RALGAPA1: variants seen among roughly 807,000 people sequenced by gnomAD.
RALGAPA1 encodes the protein Ral GTPase activating protein catalytic subunit alpha 1.
In RALGAPA1, 52 loss-of-function variants were observed where a neutral mutation model predicts 269.6. The observed-to-expected ratio is 0.19, with a 90% CI of 0.15 to 0.24. The LOEUF (loss-of-function observed/expected upper bound fraction) is 0.24. Ranked by LOEUF, RALGAPA1 falls within the 10% of genes least tolerant of loss-of-function variation. The pLI is 1.00. For synonymous variants in RALGAPA1, 817 were observed against 1,008.3 expected, an observed-to-expected ratio of 0.81 and a Z score of 3.60; for missense variants, 1,917 against 3,013.9, an observed-to-expected ratio of 0.64 and a Z score of 8.52.
chr14:35,616,976 T>C (rs1026272776), intron 35 of RALGAPA1, among the ~76,000 whole-genome samples: 6 of 152,148 alleles, frequency 3.9e-5, no homozygotes, highest in Non-Finnish European at 5.9e-5. Context: ...AGAGTTCTTA[T>C]AACCGTCTTG....
chr14:35,752,136 T>C lies in RALGAPA1; in HGVS notation c.690A>G (p.Lys230=). 1 of 1,577,330 alleles carries C rather than the reference T, an allele frequency of 6.3e-7. No homozygotes were observed. The highest frequency in any genetic ancestry group is 8.6e-7 in the Non-Finnish European group (1 of 1,165,932). Residue 230 remains lysine, a synonymous_variant, in exon 8 of 42, where the codon AAA becomes AAG. Transcript: ENST00000680220. ...IQVKSLEWKN[K]ENQERGFSFL... is the part of the protein sequence containing the mutation. The stretch of plus-strand genomic sequence containing the variant: ...ATGAAAATCCCCTTTCTTGGTTTTC[T>C]TTGTTCTTCCATTCTAAACTTTTTA...
At chr14:35,709,996 T>C (rs2068158425) in intron 16 of RALGAPA1, among the ~76,000 whole-genome samples, 1 of 152,222 alleles carries the variant, frequency 6.6e-6, no homozygotes, top group Admixed American at 6.5e-5. Context: ...GAAGAATGAG[T>C]ATAATCTCTG....
chr14:35,793,537 C>T (rs943020909), intron 1 of RALGAPA1, among the ~76,000 whole-genome samples: 5 of 151,986 alleles, frequency 3.3e-5, no homozygotes, highest in African/African-American at 9.7e-5. Context: ...CCTGGCTCTC[C>T]AAGGTCTATT....
In RALGAPA1 at chr14:35,794,030, T is replaced by C. The variant is rs576171718; in HGVS notation, c.106+14700A>G. 6.6e-5 allele frequency among the ~76,000 whole-genome samples: 10 copies of C among 152,304 alleles called. No homozygotes were observed. In the South Asian group the frequency reaches 1.4e-3, roughly 22 times the overall value. On this transcript the variant is annotated intron_variant, in intron 1 of 41. Coordinates refer to ENST00000680220, the MANE Select transcript of RALGAPA1 (RefSeq NM_001346249.2). ...AAAGTAAATCAATTCTTCATAAATA[T>C]ATAAAGTAGTTCAATGAGGTCAAGT...
chr14:35,667,415 C>T (rs529044450), intron 26 of RALGAPA1, among the ~76,000 whole-genome samples: 29 of 152,200 alleles, frequency 1.9e-4, no homozygotes, highest in Middle Eastern at 3.4e-3. Flanking sequence ...ACAACAACAA[C>T]AAAACTTAAC....
intron 24 of RALGAPA1, among the ~76,000 whole-genome samples, chr14:35,673,605 A>G (rs1350256741): frequency 1.3e-5 from 2 of 151,836 alleles, no homozygotes; most frequent in African/African-American, 4.8e-5. Context: ...TTTGAGACGG[A>G]GTTTCGCTCT....
At chr14:35,662,470 G>A (rs2063605930) in intron 27 of RALGAPA1, among the ~76,000 whole-genome samples, 1 of 152,140 alleles carries the variant, frequency 6.6e-6, no homozygotes, top group Non-Finnish European at 1.5e-5. Flanking sequence ...TAAGAACAGT[G>A]ATTACTTTTT....
chr14:35,731,857 A>G (rs959295620), intron 12 of RALGAPA1, among the ~76,000 whole-genome samples: 2 of 152,218 alleles, frequency 1.3e-5, no homozygotes, highest in African/African-American at 2.4e-5. Context: ...ATAGAGACCT[A>G]CACATCCAAA....
Position 35,556,478 on chromosome 14 carries a change from TAAAC to T in RALGAPA1, c.7497-7248_7497-7245del, listed in dbSNP as rs537851851. 5.2e-3 allele frequency among the ~76,000 whole-genome samples: 785 copies of T among 152,302 alleles called. 10 individuals are homozygous for T. The highest frequency in any genetic ancestry group is 0.018 in the African/African-American group (732 of 41,570). ...CATGTAGTAAAAAATAAAATTCCCC[TAAAC>T]AAATTGCATGAATCTTGTTATTAAT... On this transcript the variant is annotated intron_variant, in intron 39 of 41. Transcript: ENST00000680220.
intron 36 of RALGAPA1, among the ~76,000 whole-genome samples, chr14:35,598,969 A>G (rs1013810352): frequency 3.0e-4 from 46 of 152,048 alleles, no homozygotes; most frequent in African/African-American, 1.1e-3. Context: ...TTTAACTATC[A>G]TTCTTTTGAG....
chr14:35,551,820 A>G (rs1476261193), intron 39 of RALGAPA1, among the ~76,000 whole-genome samples: 1 of 152,122 alleles, frequency 6.6e-6, no homozygotes, highest in Non-Finnish European at 1.5e-5. Context: ...TAACATACTC[A>G]TTTTGTATAA....
intron 16 of RALGAPA1, among the ~76,000 whole-genome samples, chr14:35,709,992 T>A (rs1442127862): frequency 4.6e-5 from 7 of 152,240 alleles, no homozygotes; most frequent in African/African-American, 1.7e-4. Flanking sequence ...TTGAGAAGAA[T>A]GAGTATAATC....
chr14:35,645,346 G>GGTGTGTGTGTGTGTGTGTGTGTGTGT (rs58039867), intron 31 of RALGAPA1, among the ~76,000 whole-genome samples: 23 of 129,484 alleles, frequency 1.8e-4, no homozygotes, highest in African/African-American at 4.2e-4. Context: ...TATAGAGATG[G>GGTGTGTGTGTGTGTGTGTGTGTGTGT]GTGTGTGTGT....
chr14:35,717,319 T>G (rs1206914046), intron 16 of RALGAPA1, among the ~76,000 whole-genome samples: 3 of 152,062 alleles, frequency 2.0e-5, no homozygotes, highest in Non-Finnish European at 2.9e-5. Flanking sequence ...CTGGCTAATT[T>G]TTTGTATTTT....
intron 16 of RALGAPA1, among the ~76,000 whole-genome samples, chr14:35,701,724 C>T (rs1347843227): frequency 1.3e-5 from 2 of 152,076 alleles, no homozygotes; most frequent in Non-Finnish European, 2.9e-5. Flanking sequence ...TTGCTGCAAC[C>T]CTGAACTCCT....
chr14:35,787,786 C>T (rs183881760), intron 1 of RALGAPA1, among the ~76,000 whole-genome samples: 3 of 151,064 alleles, frequency 2.0e-5, no homozygotes, highest in Admixed American at 2.0e-4. Flanking sequence ...CTCACTATGT[C>T]GCCCAGGCTG....
chr14:35,611,079 A>G (rs2059901326), intron 35 of RALGAPA1, among the ~76,000 whole-genome samples: 1 of 152,190 alleles, frequency 6.6e-6, no homozygotes, highest in Non-Finnish European at 1.5e-5. Flanking sequence ...TGTAATCCCT[A>G]TCAAAATCCC....
chr14:35,713,929 C>G (rs1258415472), intron 16 of RALGAPA1, among the ~76,000 whole-genome samples: 3 of 151,994 alleles, frequency 2.0e-5, no homozygotes, highest in Non-Finnish European at 4.4e-5. Context: ...AATCCCATCT[C>G]TACTAAAAAA....
chr14:35,570,550 A>G, intron 39 of RALGAPA1, 67 bp downstream of exon 39: 1 of 1,291,620 alleles, frequency 7.7e-7, no homozygotes, highest in African/African-American at 1.5e-5. Flanking sequence ...AACAATATAT[A>G]AGAAATATTT....
Sources: gnomAD v4.1 joint callset for allele counts (sites outside exome capture counted in the v4.1 genomes callset) on GRCh38, gnomAD v4.1.1 for gene constraint, MANE v1.5 for transcripts, NCBI Gene and HGNC (gene_info 2026-07-23, HGNC 2026-07-21) for gene names.